Variants in CEP128 observed in about 807,000 individuals in gnomAD.
CEP128 encodes centrosomal protein 128kDa.
In CEP128, 132 loss-of-function variants were observed where a neutral mutation model predicts 156.7. The observed-to-expected ratio is 0.84, with a 90% CI of 0.73 to 0.97. CEP128 has a LOEUF of 0.97. Ranked by LOEUF, CEP128 falls within the 50% of genes least tolerant of loss-of-function variation. The pLI is 0.00. For missense variants in CEP128, 1,252 were observed against 1,281.9 expected, an observed-to-expected ratio of 0.98 and a Z score of 0.36; for synonymous variants, 469 against 448.9, an observed-to-expected ratio of 1.04 and a Z score of -0.57.
At position 80,621,769 on chromosome 14, in the gene CEP128, A is replaced by C. The variant is rs569195916; in HGVS notation, c.2807-41346T>G. 2.0e-5 allele frequency among the ~76,000 whole-genome samples: 3 copies of C among 152,246 alleles called. No individual in the cohort carries two copies. The East Asian group carries it at 5.8e-4, about 29-fold the overall frequency. Reference sequence around the variant, plus strand: ...CCTCACCATTTTTTACCGATAACTCAAGTCCACTCCGTTTGTAAGGGGTTT... The same window carrying C: ...CCTCACCATTTTTTACCGATAACTCCAGTCCACTCCGTTTGTAAGGGGTTT... On this transcript the variant is annotated intron_variant, in intron 19 of 24. Coordinates refer to ENST00000555265, the MANE Select transcript of CEP128 (RefSeq NM_152446.5).
At chr14:80,757,189 A>G (rs182484529) in intron 17 of CEP128, among the ~76,000 whole-genome samples, 79 of 152,328 alleles carry the variant, frequency 5.2e-4, no homozygotes, top group African/African-American at 1.7e-3. Flanking sequence ...AAAATCAACT[A>G]TCAAGTGCTA....
intron 18 of CEP128, among the ~76,000 whole-genome samples, chr14:80,752,669 G>T (rs1316366060): frequency 6.6e-6 from 1 of 152,178 alleles, no homozygotes; most frequent in Non-Finnish European, 1.5e-5. Flanking sequence ...ATTCATAAAT[G>T]TAAGGTTTAT....
rs1176375565 is a variant in CEP128, at chr14:80,823,375, C to T, written c.1209+7768G>A. Among the ~76,000 whole-genome samples the T allele has an allele frequency of 2.6e-5, 4 of 152,184 alleles. No individual in the cohort carries two copies. The East Asian group carries it at 7.7e-4, about 29-fold the overall frequency. ...GGTCGGCTTGTGAAAAGTTGTTAAA[C>T]AACATGCTAAATGTGAAATGTCAAC... On this transcript the variant is annotated intron_variant, in intron 13 of 24. Coordinates refer to ENST00000555265, the MANE Select transcript of CEP128 (RefSeq NM_152446.5).
At chr14:80,736,251 AG>A in intron 19 of CEP128, among the ~76,000 whole-genome samples, 1 of 91,132 alleles carries the variant, frequency 1.1e-5, no homozygotes, top group African/African-American at 3.9e-5. Context: ...CTCTAATATA[AG>A]GTTTTAAAAA....
chr14:80,555,725 C>T (rs1890405783), intron 21 of CEP128, among the ~76,000 whole-genome samples: 1 of 152,052 alleles, frequency 6.6e-6, no homozygotes, highest in South Asian at 2.1e-4. Context: ...ACTGATTCTT[C>T]ATATTTCAGA....
chr14:80,820,030 T>A (rs2139991820), intron 13 of CEP128, among the ~76,000 whole-genome samples: 1 of 152,346 alleles, frequency 6.6e-6, no homozygotes, highest in East Asian at 1.9e-4. Context: ...AAAATGTGTC[T>A]ACTATTCTCT....
chr14:80,486,933 A>G (rs1770898719), downstream of CEP128, among the ~76,000 whole-genome samples: 2 of 152,242 alleles, frequency 1.3e-5, no homozygotes, highest in African/African-American at 4.8e-5. Context: ...GCAAAAATGT[A>G]AAGACCATCA....
At chr14:80,616,708 A>T (rs1022083656) in intron 19 of CEP128, among the ~76,000 whole-genome samples, 3 of 152,232 alleles carry the variant, frequency 2.0e-5, no homozygotes, top group African/African-American at 7.2e-5. Context: ...TACCTCAGAA[A>T]GTACTATACG....
chr14:80,721,731 C>T (rs1360159287), intron 19 of CEP128, among the ~76,000 whole-genome samples: 3 of 152,036 alleles, frequency 2.0e-5, no homozygotes, highest in South Asian at 2.1e-4. Context: ...AATCTGTTAT[C>T]GAACAAGTCA....
At chr14:80,763,333 C>A (rs1900063243) in intron 16 of CEP128, among the ~76,000 whole-genome samples, 1 of 152,154 alleles carries the variant, frequency 6.6e-6, no homozygotes, top group African/African-American at 2.4e-5. Flanking sequence ...ACTCTCCCTA[C>A]CAATTAATAC....
Position 80,939,386 on chromosome 14 carries a change from A to G in CEP128, c.-17T>C, listed in dbSNP as rs1231572224. 1 of 152,150 alleles carries G rather than the reference A, an allele frequency of 6.6e-6. No individual in the cohort carries two copies. Among genetic ancestry groups the G allele is most frequent in the Non-Finnish European group, 1.5e-5 (1 of 68,020 alleles). The allele number at this position is 152,150 out of a possible 1,614,324, so 9.4% of individuals were successfully genotyped here. Reference sequence around the variant, plus strand: ...AACTCAGGGAGAAAGCATACTTACAAAGCACACCCCCAAAACTCCGAGTTG... The same window carrying G: ...AACTCAGGGAGAAAGCATACTTACAGAGCACACCCCCAAAACTCCGAGTTG... On this transcript the variant is annotated splice_region_variant and 5_prime_UTR_variant, in exon 2 of 25. Transcript: ENST00000555265.
rs1887504189 is a variant in CEP128, at chr14:80,496,569, A to G, written c.*910T>C. 2.0e-5 allele frequency: 3 copies of G among 152,638 alleles called. No individual in the cohort carries two copies. Among genetic ancestry groups the G allele is most frequent in the South Asian group, 2.1e-4 (1 of 4,838 alleles). 9.5% of individuals were successfully genotyped at this position (152,638 alleles called of 1,614,324 possible). Reference sequence around the variant, plus strand: ...AGTTCCTGAAAGTTTACTATTACTTAGCATTTAATATAAATCCTTCTCCAC... The same window carrying G: ...AGTTCCTGAAAGTTTACTATTACTTGGCATTTAATATAAATCCTTCTCCAC... On this transcript the variant is annotated 3_prime_UTR_variant, in exon 25 of 25. Transcript: ENST00000555265.
intron 8 of CEP128, among the ~76,000 whole-genome samples, chr14:80,874,582 A>T (rs1888188987): frequency 6.6e-6 from 1 of 152,214 alleles, no homozygotes; most frequent in African/African-American, 2.4e-5. Flanking sequence ...TTCAGTTGAA[A>T]GTAACTAGAA....
At chr14:80,845,352 G>T (rs761278779) in intron 9 of CEP128, among the ~76,000 whole-genome samples, 6 of 152,082 alleles carry the variant, frequency 3.9e-5, no homozygotes, top group Admixed American at 2.0e-4. Context: ...ATAAAATCTT[G>T]CAAGTAAAGT....
intron 19 of CEP128, among the ~76,000 whole-genome samples, chr14:80,687,505 T>C (rs117235233): frequency 0.012 from 1,774 of 152,124 alleles, 13 homozygotes; most frequent in Non-Finnish European, 0.018. Context: ...TACCTCATAT[T>C]CCCACTTGTA....
chr14:80,616,894 A>G (rs1893235817), intron 19 of CEP128, among the ~76,000 whole-genome samples: 1 of 152,228 alleles, frequency 6.6e-6, no homozygotes, highest in Non-Finnish European at 1.5e-5. Flanking sequence ...GGGAACAGAA[A>G]TGATATAATA....
At chr14:80,859,402 TG>T (rs562821507) in intron 9 of CEP128, among the ~76,000 whole-genome samples, 3 of 72,840 alleles carry the variant, frequency 4.1e-5, no homozygotes, top group African/African-American at 5.5e-5. Flanking sequence ...TGTTGTGGGG[TG>T]GGGGGAGGGG....
At chr14:80,835,664 A>G (rs374497412) in intron 12 of CEP128, among the ~76,000 whole-genome samples, 24 of 152,304 alleles carry the variant, frequency 1.6e-4, no homozygotes, top group Middle Eastern at 3.4e-3. Context: ...TCCACTGAGA[A>G]GGTATCCTAA....
chr14:80,800,474 T>C lies in CEP128; in HGVS notation c.1210-7364A>G, dbSNP rs535688429. ...AGTGATCAATCCAAGATAAGGCAGA[T>C]AGTTTTTGGCAGAGAAAGGACTAAA... On this transcript the variant is annotated intron_variant, in intron 13 of 24. Transcript: ENST00000555265. 2.4e-4 allele frequency among the ~76,000 whole-genome samples: 36 copies of C among 152,338 alleles called. 1 individual carries two copies. In the South Asian group the frequency reaches 7.2e-3, roughly 31 times the overall value.
Sources: allele counts gnomAD v4.1 joint callset (sites outside exome capture counted in the v4.1 genomes callset), GRCh38; gene constraint gnomAD v4.1.1; transcripts MANE v1.5; gene names NCBI Gene and HGNC (gene_info 2026-07-23, HGNC 2026-07-21).